DIRAS2: variants seen among roughly 807,000 people sequenced by gnomAD.
DIRAS2 encodes GTP-binding protein Di-Ras2.
A neutral mutation model predicts 13.9 loss-of-function variants in DIRAS2; 5 were observed. The ratio of observed to expected loss-of-function variants is 0.36; its 90% confidence interval spans 0.19 to 0.76. The LOEUF (loss-of-function observed/expected upper bound fraction) is 0.76, where lower values mean the gene tolerates loss of function less well. Among genes scored for constraint, DIRAS2 ranks in the 30% least tolerant of loss-of-function variants. The probability of loss-of-function intolerance (pLI) is 0.53; values close to 1 mark genes in which losing one functional copy is unlikely to be tolerated. For synonymous variants in DIRAS2, 111 were observed against 105.4 expected (o/e 1.05, Z -0.33); for missense variants, 191 against 263.0 (o/e 0.73, Z 1.89).
intron 1 of DIRAS2, among the ~76,000 whole-genome samples, chr9:90,634,339 T>A (rs997129913): frequency 6.6e-6 from 1 of 152,196 alleles, no homozygotes. Context: ...CTAGGAGCCA[T>A]TAATCAATGA....
Position 90,611,859 on chromosome 9 carries a change from A to G in DIRAS2, c.*1369T>C, listed in dbSNP as rs941027722. ...GGCACTATCAGTGGGAGTTTTCAGG[A>G]AGCCAAGTCCAACCAGGCTCTACGA... On this transcript the variant is annotated 3_prime_UTR_variant, in exon 2 of 2. Coordinates refer to ENST00000375765, the MANE Select transcript of DIRAS2 (RefSeq NM_017594.5). 1.3e-5 allele frequency: 2 copies of G among 152,236 alleles called. No individual in the cohort carries two copies. 9.4% of individuals were successfully genotyped at this position (152,236 alleles called of 1,614,324 possible). A position where few individuals can be genotyped will look rare whatever the true frequency, so the allele number is the denominator to read the frequency against.
At chr9:90,630,903 A>AT (rs1428593401) in intron 1 of DIRAS2, among the ~76,000 whole-genome samples, 3 of 152,220 alleles carry the variant, frequency 2.0e-5, no homozygotes, top group Non-Finnish European at 2.9e-5. Flanking sequence ...CCACCCTTAC[A>AT]TGAGATAGCC....
In DIRAS2 at chr9:90,610,413, C is replaced by A. The variant is rs1825099817; in HGVS notation, c.*2815G>T. On this transcript the variant is annotated 3_prime_UTR_variant, in exon 2 of 2. Transcript: ENST00000375765. ...TTGGTCTTGCTGCATTGTATGCATG[C>A]CCATGGCTTGTCGCTGGATGGAGGA... is the stretch of plus-strand genomic sequence containing the variant. 5.0e-6 allele frequency: 2 copies of A among 398,786 alleles called. No homozygotes were observed. Among genetic ancestry groups the A allele is most frequent in the Non-Finnish European group, 8.8e-6 (2 of 226,056 alleles). 24.7% of individuals were successfully genotyped at this position (398,786 alleles called of 1,614,324 possible). A position where few individuals can be genotyped will look rare whatever the true frequency, so the allele number is the denominator to read the frequency against.
chr9:90,613,123 G>T lies in DIRAS2; in HGVS notation c.*105C>A. On this transcript the variant is annotated 3_prime_UTR_variant, in exon 2 of 2. Transcript: ENST00000375765. This position sits in a 1 kb window ranked among gnomAD's most constrained non-coding sequence, Gnocchi z 5.6. ...AGGACGCATCTCGATTAAATGCAAT[G>T]TTTAACACGTGGGCATTATACATGC... The T allele has an allele frequency of 6.8e-7, 1 of 1,476,764 alleles. No homozygotes were observed. 91.5% of individuals were successfully genotyped at this position (1,476,764 alleles called of 1,614,324 possible).
In DIRAS2 at chr9:90,613,153, C is replaced by T; in HGVS notation, c.*75G>A. On this transcript the variant is annotated 3_prime_UTR_variant, in exon 2 of 2. Coordinates refer to ENST00000375765, the MANE Select transcript of DIRAS2 (RefSeq NM_017594.5). This position sits in a 1 kb window ranked among gnomAD's most constrained non-coding sequence, Gnocchi z 5.6. ...ACACGTGGGCATTATACATGCTACC[C>T]TGACGACGGTGGGTGTCATTTTGGG... is the stretch of plus-strand genomic sequence containing the variant. The T allele has an allele frequency of 6.4e-7, 1 of 1,554,830 alleles. No individual in the cohort carries two copies. Among genetic ancestry groups the T allele is most frequent in the Non-Finnish European group, 8.7e-7 (1 of 1,151,944 alleles).
At chr9:90,620,340 GCT>G (rs1825208626) in intron 1 of DIRAS2, among the ~76,000 whole-genome samples, 1 of 152,170 alleles carries the variant, frequency 6.6e-6, no homozygotes, top group Non-Finnish European at 1.5e-5. Flanking sequence ...ACAGACCTCA[GCT>G]TTATTCCTAC....
chr9:90,633,349 G>A (rs1825344082), intron 1 of DIRAS2, among the ~76,000 whole-genome samples: 1 of 152,196 alleles, frequency 6.6e-6, no homozygotes, highest in South Asian at 2.1e-4. Context: ...AATTCCTAAG[G>A]TTTCCAACTT....
chr9:90,625,288 C>T (rs1825258007), intron 1 of DIRAS2, among the ~76,000 whole-genome samples: 1 of 152,122 alleles, frequency 6.6e-6, no homozygotes, highest in Admixed American at 6.6e-5. Flanking sequence ...CTAGTGTTAG[C>T]CACCTAAAAG....
At position 90,613,983 on chromosome 9, in the gene DIRAS2, A is replaced by C. The variant is rs1235746541; in HGVS notation, c.-36-120T>G. On this transcript the variant is annotated intron_variant, in intron 1 of 1. Coordinates refer to ENST00000375765, the MANE Select transcript of DIRAS2 (RefSeq NM_017594.5). The surrounding 1 kb of genome is among the most constrained non-coding windows in gnomAD (Gnocchi z 5.6). ...GGAGGTGATAACATTTAAAATAGCG[A>C]CAATTCTAAATCCAATAAATTTGGT... is the stretch of plus-strand genomic sequence containing the variant. 2 of 1,031,478 alleles carry C rather than the reference A, an allele frequency of 1.9e-6. No homozygotes were observed. The highest frequency in any genetic ancestry group is 6.1e-5 in the Admixed American group (2 of 32,676). 63.9% of individuals were successfully genotyped at this position (1,031,478 alleles called of 1,614,324 possible).
chr9:90,628,293 A>G (rs922554331), intron 1 of DIRAS2, among the ~76,000 whole-genome samples: 1 of 152,152 alleles, frequency 6.6e-6, no homozygotes, highest in Non-Finnish European at 1.5e-5. Context: ...GATTTTGAAA[A>G]CTTAGAATAA....
intron 1 of DIRAS2, among the ~76,000 whole-genome samples, chr9:90,619,320 G>A (rs1385808603): frequency 3.3e-5 from 5 of 151,196 alleles, no homozygotes; most frequent in African/African-American, 4.9e-5. Flanking sequence ...GCAGGTGCCT[G>A]TAATCCCAGT....
At chr9:90,623,723 C>A (rs568036807) in intron 1 of DIRAS2, among the ~76,000 whole-genome samples, 2 of 152,222 alleles carry the variant, frequency 1.3e-5, no homozygotes, top group South Asian at 4.2e-4. Context: ...CTGTATTATA[C>A]CCTAAATTAA....
intron 1 of DIRAS2, among the ~76,000 whole-genome samples, 197 bp from the exon 2 acceptor site, chr9:90,614,060 C>T (rs1464415517): frequency 2.0e-5 from 3 of 152,120 alleles, no homozygotes; most frequent in African/African-American, 7.2e-5. Context: ...CTCACTGGAG[C>T]CCATCTGTTT....
intron 1 of DIRAS2, among the ~76,000 whole-genome samples, chr9:90,637,557 G>T (rs1180169942): frequency 2.0e-5 from 3 of 152,184 alleles, no homozygotes; most frequent in Admixed American, 2.0e-4. Context: ...ATAATATGGT[G>T]TATTATCAAA....
rs192320854 is a variant in DIRAS2 at position 90,642,776 on chromosome 9, A to G, written c.-61T>C. 6.6e-6 allele frequency: 1 copy of G among 152,586 alleles called. No homozygotes were observed. The highest frequency in any genetic ancestry group is 1.9e-4 in the East Asian group (1 of 5,180). The allele number at this position is 152,586 out of a possible 1,614,324, so 9.5% of individuals were successfully genotyped here. ...CCTGGGGAAGAACACAACTCCGCTC[A>G]GAGCTTCTTCAGAGCTCCACTCGCG... On this transcript the variant is annotated 5_prime_UTR_variant, in exon 1 of 2. Coordinates refer to ENST00000375765, the MANE Select transcript of DIRAS2 (RefSeq NM_017594.5).
intron 1 of DIRAS2, among the ~76,000 whole-genome samples, chr9:90,626,549 G>C (rs945066750): frequency 2.0e-5 from 3 of 152,042 alleles, no homozygotes; most frequent in African/African-American, 7.2e-5. Context: ...AGTCATTAGG[G>C]AAATGTAAAT....
intron 1 of DIRAS2, among the ~76,000 whole-genome samples, chr9:90,615,268 T>C (rs1171043889): frequency 1.3e-5 from 2 of 152,242 alleles, no homozygotes; most frequent in East Asian, 3.8e-4. Flanking sequence ...GTATTCCACC[T>C]TCTCATTTTG....
chr9:90,620,042 G>T (rs1197607231), intron 1 of DIRAS2, among the ~76,000 whole-genome samples: 1 of 152,066 alleles, frequency 6.6e-6, no homozygotes, highest in African/African-American at 2.4e-5. Flanking sequence ...GGTAGGGACT[G>T]GGGGGAAACA....
intron 1 of DIRAS2, among the ~76,000 whole-genome samples, chr9:90,633,261 T>G (rs1437251070): frequency 6.6e-6 from 1 of 152,108 alleles, no homozygotes. Flanking sequence ...ACAATTATGG[T>G]GACATCAACA....
Sources: allele counts gnomAD v4.1 joint callset (sites outside exome capture counted in the v4.1 genomes callset), GRCh38; gene constraint gnomAD v4.1.1; non-coding constraint Gnocchi (gnomAD v3.1); transcripts MANE v1.5; gene names NCBI Gene and HGNC (gene_info 2026-07-23, HGNC 2026-07-21).